The following INPP5F variants were observed in gnomAD, a reference collection of about 807,000 sequenced individuals.
INPP5F encodes phosphatidylinositide 4-phosphatase SAC2.
In INPP5F, 97 loss-of-function variants were observed where a neutral mutation model predicts 137.2. The ratio of observed to expected loss-of-function variants is 0.71; its 90% confidence interval spans 0.60 to 0.84. INPP5F has a LOEUF of 0.84. INPP5F is among the 40% of genes least tolerant of loss of function. The pLI is 0.00. For synonymous variants in INPP5F, 504 were observed against 476.9 expected, an observed-to-expected ratio of 1.06 and a Z score of -0.74; for missense variants, 1,271 against 1,371.9, an observed-to-expected ratio of 0.93 and a Z score of 1.16.
At chr10:119,821,739 C>CGTCT (rs1851571143) in intron 16 of INPP5F, among the ~76,000 whole-genome samples, 1 of 147,714 alleles carries the variant, frequency 6.8e-6, no homozygotes, top group South Asian at 2.4e-4. Flanking sequence ...TGCCTCCCTC[C>CGTCT]GTCTCTTGCT....
intron 15 of INPP5F, among the ~76,000 whole-genome samples, chr10:119,812,299 A>G (rs1276467455): frequency 6.6e-6 from 1 of 152,134 alleles, no homozygotes; most frequent in African/African-American, 2.4e-5. Context: ...GTGCAACAAG[A>G]GGTGTAGTGA....
Position 119,781,715 on chromosome 10 carries a change from A to T in INPP5F, c.259A>T (p.Thr87Ser), listed in dbSNP as rs1387537890. 1 of 1,612,768 alleles carries T rather than the reference A, an allele frequency of 6.2e-7. No homozygotes were observed. The highest frequency in any genetic ancestry group is 1.7e-5 in the Admixed American group (1 of 59,996). The change falls in exon 3 of 20, where the codon ACC becomes TCC. Residue 87 changes from threonine to serine, a missense_variant. By Grantham distance (58) the Thr-to-Ser change is moderately conservative. Transcript: ENST00000650623. ...AGGAGACCATGAGGTCTGTAAAGTT[A>T]CCAAAATTGCTGTGCTCTCACTTTC... is the stretch of plus-strand genomic sequence containing the variant. ...LPGDHEVCKVTKIAVLSLSEM... is the reference protein window; with the variant it reads ...LPGDHEVCKVSKIAVLSLSEM...
chr10:119,784,344 C>T (rs932226319), intron 3 of INPP5F, among the ~76,000 whole-genome samples: 4 of 152,324 alleles, frequency 2.6e-5, no homozygotes, highest in South Asian at 2.1e-4. Context: ...GTTACTTTCA[C>T]ATGTTTCAGA....
intron 2 of INPP5F, among the ~76,000 whole-genome samples, chr10:119,780,341 A>G (rs1019159758): frequency 8.5e-5 from 13 of 152,170 alleles, no homozygotes; most frequent in African/African-American, 2.9e-4. Flanking sequence ...TTGAGAGGCC[A>G]AGGCTGGCAG....
At chr10:119,801,764 A>T (rs944359444) in intron 9 of INPP5F, among the ~76,000 whole-genome samples, 2 of 152,162 alleles carry the variant, frequency 1.3e-5, no homozygotes, top group Non-Finnish European at 2.9e-5. Context: ...AAATAAAATT[A>T]AAAAATAAAA....
At chr10:119,786,368 GC>G (rs544536192) in intron 3 of INPP5F, among the ~76,000 whole-genome samples, 108 of 152,282 alleles carry the variant, frequency 7.1e-4, no homozygotes, top group African/African-American at 2.4e-3. Flanking sequence ...AATCCCTGGG[GC>G]TCTGTGTAAA....
chr10:119,775,713 A>G (rs1377189968), intron 2 of INPP5F, among the ~76,000 whole-genome samples: 2 of 152,198 alleles, frequency 1.3e-5, no homozygotes, highest in African/African-American at 4.8e-5. Flanking sequence ...ATTCATTGAT[A>G]ACTGTTGGGC....
intron 6 of INPP5F, among the ~76,000 whole-genome samples, chr10:119,795,094 T>C (rs1850308814): frequency 7.9e-6 from 1 of 126,890 alleles, no homozygotes; most frequent in Non-Finnish European, 1.7e-5. Context: ...CCCACCTCCC[T>C]CCCTCCCGGA....
Position 119,798,545 on chromosome 10 carries a change from GA to G in INPP5F, c.1055del (p.Lys352ArgfsTer15). The G allele has an allele frequency of 6.2e-7, 1 of 1,610,596 alleles. No individual in the cohort carries two copies. Among genetic ancestry groups the G allele is most frequent in the Non-Finnish European group, 8.5e-7 (1 of 1,177,922 alleles). On this transcript the variant is annotated frameshift_variant, in exon 9 of 20. Transcript: ENST00000650623. LOFTEE classifies it high-confidence loss of function. ...YNPRPRLDRS[E>X]KETVAYFCAH... is the part of the protein sequence containing the mutation. ...GATTTTGTATCACTTCTTTGTAGGTGAAAAGGAAACTGTTGCCTATTTCTGT... is the reference window on the plus strand; with the variant it reads ...GATTTTGTATCACTTCTTTGTAGGTGAAAGGAAACTGTTGCCTATTTCTGT...
In INPP5F at chr10:119,771,870, ATATATATATATATTTTTTTTTTTT is replaced by A. The variant is rs1255265669; in HGVS notation, c.179-9763_179-9740del. ...GATATATATATATATATATATATATATATATATATATATTTTTTTTTTTTTTTTTTTTTTTTTTTTTTTGAGATG... is the reference window on the plus strand; with the variant it reads ...GATATATATATATATATATATATATATTTTTTTTTTTTTTTTTTTGAGATG... On this transcript the variant is annotated intron_variant, in intron 2 of 19. Coordinates refer to ENST00000650623, the MANE Select transcript of INPP5F (RefSeq NM_014937.4). 2.6e-3 allele frequency among the ~76,000 whole-genome samples: 42 copies of A among 16,462 alleles called. No homozygotes were observed. In the South Asian group the frequency reaches 0.047, roughly 19 times the overall value. The allele number at this position is 16,462 out of a possible 152,430, so 10.8% of individuals were successfully genotyped here.
intron 2 of INPP5F, among the ~76,000 whole-genome samples, chr10:119,761,818 A>G (rs1343994746): frequency 6.6e-6 from 1 of 152,234 alleles, no homozygotes; most frequent in Non-Finnish European, 1.5e-5. Flanking sequence ...CATTCATACC[A>G]AAGATTTGTA....
At chr10:119,734,272 G>A (rs1348343195) in intron 1 of INPP5F, among the ~76,000 whole-genome samples, 1 of 152,180 alleles carries the variant, frequency 6.6e-6, no homozygotes, top group African/African-American at 2.4e-5. Flanking sequence ...TGTATTTGCA[G>A]ATAATACTGG....
At chr10:119,804,954 T>G (rs539241658) in intron 10 of INPP5F, among the ~76,000 whole-genome samples, 7 of 152,212 alleles carry the variant, frequency 4.6e-5, no homozygotes, top group Admixed American at 6.5e-5. Flanking sequence ...CTCAAACTCC[T>G]GACCTCAAGT....
At chr10:119,777,093 GC>G (rs767809312) in intron 2 of INPP5F, among the ~76,000 whole-genome samples, 13 of 152,148 alleles carry the variant, frequency 8.5e-5, no homozygotes, top group Non-Finnish European at 1.8e-4. Context: ...CTGGTGCCTT[GC>G]TGTGTTGCCA....
chr10:119,754,632 T>C (rs1279308592), intron 2 of INPP5F, among the ~76,000 whole-genome samples: 1 of 152,202 alleles, frequency 6.6e-6, no homozygotes, highest in Non-Finnish European at 1.5e-5. Context: ...TTGAACGGTT[T>C]GGCTCTTAAG....
intron 2 of INPP5F, among the ~76,000 whole-genome samples, chr10:119,768,871 A>G (rs531997867): frequency 5.3e-5 from 8 of 152,324 alleles, no homozygotes; most frequent in Admixed American, 5.2e-4. Flanking sequence ...AATAGAACCT[A>G]CAAAATAAAT....
intron 1 of INPP5F, among the ~76,000 whole-genome samples, chr10:119,732,737 A>G (rs1428867633): frequency 2.0e-5 from 3 of 151,370 alleles, no homozygotes; most frequent in Non-Finnish European, 4.4e-5. Flanking sequence ...CTGACCTCAG[A>G]TGATCTGCCT....
At chr10:119,730,386 A>C (rs919678356) in intron 1 of INPP5F, among the ~76,000 whole-genome samples, 6 of 152,250 alleles carry the variant, frequency 3.9e-5, no homozygotes, top group African/African-American at 1.4e-4. Context: ...CTGGGATTAC[A>C]GGCATGAGCC....
chr10:119,797,119 G>C (rs1168864603), intron 7 of INPP5F, among the ~76,000 whole-genome samples: 2 of 152,168 alleles, frequency 1.3e-5, no homozygotes, highest in African/African-American at 4.8e-5. Flanking sequence ...AGAAGGAAAA[G>C]GAGGTACATA....
Sources: allele counts gnomAD v4.1 joint callset (sites outside exome capture counted in the v4.1 genomes callset), GRCh38; gene constraint gnomAD v4.1.1; transcripts MANE v1.5; gene names NCBI Gene and HGNC (gene_info 2026-07-23, HGNC 2026-07-21).